The following PPP4R3A variants were observed in gnomAD, a reference collection of about 807,000 sequenced individuals.
PPP4R3A encodes the protein serine/threonine-protein phosphatase 4 regulatory subunit 3A.
A neutral mutation model predicts 91.7 loss-of-function variants in PPP4R3A; 15 were observed. The ratio of observed to expected loss-of-function variants is 0.16; its 90% CI spans 0.11 to 0.25. The LOEUF is 0.25. Ranked by LOEUF, PPP4R3A falls within the 10% of genes least tolerant of loss-of-function variation. PPP4R3A has a pLI of 1.00. For missense variants in PPP4R3A, 623 were observed against 998.4 expected (o/e 0.62, Z 5.07); for synonymous variants, 377 against 348.7 (o/e 1.08, Z -0.91).
intron 3 of PPP4R3A, among the ~76,000 whole-genome samples, chr14:91,484,453 A>G (rs1889761452): frequency 6.6e-6 from 1 of 152,176 alleles, no homozygotes; most frequent in African/African-American, 2.4e-5. Flanking sequence ...CCCTCCATTC[A>G]TTTATGTGCT....
rs1286753004 is a variant in PPP4R3A, at chr14:91,462,751, T to C, written c.1957A>G (p.Asn653Asp). The C allele has an allele frequency of 2.5e-6, 4 of 1,613,830 alleles. No individual in the cohort carries two copies. The highest frequency in any genetic ancestry group is 3.4e-6 in the Non-Finnish European group (4 of 1,179,848). Reference sequence around the variant, plus strand: ...GTAATTTACCTGTCAAGTTTGGGATTATCTTGCCTTTCTCTTTGTTGTTCA... The same window carrying C: ...GTAATTTACCTGTCAAGTTTGGGATCATCTTGCCTTTCTCTTTGTTGTTCA... ...RFEQQRERQDNPKLDSMRSIL... is the reference protein window; with the variant it reads ...RFEQQRERQDDPKLDSMRSIL... The change falls in exon 12 of 15, where the codon AAT becomes GAT. Residue 653 changes from asparagine (N) to aspartate (D), a missense_variant. Transcript: ENST00000554943.
chr14:91,509,912 G>C lies in PPP4R3A; in HGVS notation c.-265C>G. On this transcript the variant is annotated 5_prime_UTR_variant, in exon 1 of 15. Coordinates refer to ENST00000554943, the MANE Select transcript of PPP4R3A (RefSeq NM_001366432.2). Reference sequence around the variant, plus strand: ...CCCGGCGCCCGGCAGCCCCGAGGGGGCCGCGCAGCGCTTCGTAGCCTCCCG... The same window carrying C: ...CCCGGCGCCCGGCAGCCCCGAGGGGCCCGCGCAGCGCTTCGTAGCCTCCCG... 2.8e-6 allele frequency: 3 copies of C among 1,058,334 alleles called. No individual in the cohort carries two copies. Among genetic ancestry groups the C allele is most frequent in the Middle Eastern group, 4.3e-4 (1 of 2,316 alleles). 65.6% of individuals were successfully genotyped at this position (1,058,334 alleles called of 1,614,324 possible).
At chr14:91,484,815 A>G (rs1004818797) in intron 3 of PPP4R3A, among the ~76,000 whole-genome samples, 2 of 152,212 alleles carry the variant, frequency 1.3e-5, no homozygotes, top group South Asian at 4.1e-4. Context: ...ATGGAGATGG[A>G]GAAACCTTCT....
rs750307811 is a variant in PPP4R3A at position 91,481,617 on chromosome 14, A to G, written c.874T>C (p.Phe292Leu). Residue 292 changes from phenylalanine to leucine, a missense_variant, in exon 4 of 15, where the codon TTT becomes CTT. Transcript: ENST00000554943. ...ATCTCTACCTTATTGAAAAAGATAAAAGAGTGAAGTGTTGATAACATGTTT... is the reference window on the plus strand; with the variant it reads ...ATCTCTACCTTATTGAAAAAGATAAGAGAGTGAAGTGTTGATAACATGTTT... ...EENMLSTLHS[F>L]IFFNKVEIVG... 1.3e-6 allele frequency: 2 copies of G among 1,594,922 alleles called. No homozygotes were observed. The highest frequency in any genetic ancestry group is 1.1e-5 in the South Asian group (1 of 86,972).
At chr14:91,487,700 C>A (rs565291615) in intron 2 of PPP4R3A, among the ~76,000 whole-genome samples, 1 of 139,670 alleles carries the variant, frequency 7.2e-6, no homozygotes, top group Non-Finnish European at 1.5e-5. Flanking sequence ...TCTCACTAGG[C>A]AAGGACACTT....
At chr14:91,488,442 T>TA (rs1890030318) in intron 2 of PPP4R3A, among the ~76,000 whole-genome samples, 1 of 152,174 alleles carries the variant, frequency 6.6e-6, no homozygotes, top group African/African-American at 2.4e-5. Context: ...GACTTCCATA[T>TA]ATCACAGACA....
At chr14:91,497,701 T>C (rs2064229774) in intron 1 of PPP4R3A, among the ~76,000 whole-genome samples, 1 of 152,232 alleles carries the variant, frequency 6.6e-6, no homozygotes, top group South Asian at 2.1e-4. Flanking sequence ...CATCTTCACC[T>C]ACCCAACTTT....
At position 91,461,475 on chromosome 14, in the gene PPP4R3A, G is replaced by A; in HGVS notation, c.2297C>T (p.Pro766Leu). 1 of 1,614,206 alleles carries A rather than the reference G, an allele frequency of 6.2e-7. No individual in the cohort carries two copies. Among genetic ancestry groups the A allele is most frequent in the Non-Finnish European group, 8.5e-7 (1 of 1,180,040 alleles). ...GGATCCAGGTGATCCCGGAGAACCA[G>A]GCAGATTTGTTGTAGATGACTGGCT... ...LTSQSSTTNL[P>L]GSPGSPGSPG... The change falls in exon 14 of 15, where the codon CCT becomes CTT. Residue 766 changes from proline (P) to leucine (L), a missense_variant. Physicochemically the swap from Pro to Leu is moderately conservative, Grantham distance 98 (BLOSUM62 -3). Transcript: ENST00000554943.
intron 10 of PPP4R3A, among the ~76,000 whole-genome samples, chr14:91,465,850 T>C (rs1339138174): frequency 6.6e-6 from 1 of 152,190 alleles, no homozygotes; most frequent in African/African-American, 2.4e-5. Context: ...TTCAATATTT[T>C]TGGACACTCT....
chr14:91,507,917 T>C (rs1400185166), intron 1 of PPP4R3A, among the ~76,000 whole-genome samples: 3 of 151,876 alleles, frequency 2.0e-5, no homozygotes, highest in African/African-American at 4.8e-5. Flanking sequence ...AGGTCAGGAG[T>C]TTGAGACCAG....
At chr14:91,475,741 A>G in intron 7 of PPP4R3A, 70 bp downstream of exon 7, 1 of 1,420,032 alleles carries the variant, frequency 7.0e-7, no homozygotes, top group East Asian at 2.6e-5. Context: ...TTAAATCTTA[A>G]AAGTGAATAA....
chr14:91,471,173 CTTTTT>C (rs772523489), intron 9 of PPP4R3A, among the ~76,000 whole-genome samples, 178 bp from the exon 10 acceptor site: 1 of 151,980 alleles, frequency 6.6e-6, no homozygotes, highest in African/African-American at 2.4e-5. Context: ...TGGTGCTTTA[CTTTTT>C]TTTATTTAAT....
chr14:91,467,741 C>T (rs903971947), intron 10 of PPP4R3A, among the ~76,000 whole-genome samples: 2 of 152,160 alleles, frequency 1.3e-5, no homozygotes, highest in East Asian at 1.9e-4. Flanking sequence ...CACCTACATA[C>T]TTAACTAGTT....
At chr14:91,472,065 C>CAAA (rs549919322) in intron 9 of PPP4R3A, among the ~76,000 whole-genome samples, 1,826 of 68,188 alleles carry the variant, frequency 0.027, 13 homozygotes, top group Non-Finnish European at 0.031. Context: ...ATTCTGTCTC[C>CAAA]AAAAAAAAAA....
intron 1 of PPP4R3A, among the ~76,000 whole-genome samples, chr14:91,495,989 G>T (rs1890545193): frequency 1.3e-5 from 2 of 152,068 alleles, no homozygotes; most frequent in Admixed American, 6.6e-5. Flanking sequence ...TCATACAATG[G>T]ATACCACGAA....
chr14:91,461,649 T>C (rs774223223), intron 13 of PPP4R3A, 42 bp from the exon 14 acceptor site: 1 of 1,572,174 alleles, frequency 6.4e-7, no homozygotes, highest in Non-Finnish European at 8.7e-7. Flanking sequence ...CCCATACTTC[T>C]TTTTTAAATT....
chr14:91,477,585 C>T (rs1889284655), intron 4 of PPP4R3A, among the ~76,000 whole-genome samples: 1 of 152,176 alleles, frequency 6.6e-6, no homozygotes, highest in Non-Finnish European at 1.5e-5. Context: ...ATTAAGGTGG[C>T]AGAGCCTTCA....
Position 91,475,966 on chromosome 14 carries a change from C to T in PPP4R3A, c.1111G>A (p.Gly371Ser). 6.6e-7 allele frequency: 1 copy of T among 1,522,060 alleles called. No individual in the cohort carries two copies. The highest frequency in any genetic ancestry group is 8.7e-7 in the Non-Finnish European group (1 of 1,147,226). The allele number at this position is 1,522,060 out of a possible 1,614,324, so 94.3% of individuals were successfully genotyped here. The change falls in exon 7 of 15, where the codon GGC becomes AGC. Residue 371 changes from glycine (G) to serine (S), a missense_variant and splice_region_variant. This residue lies in a region of PPP4R3A where 264 missense variants were observed against 377.3 expected (regional missense o/e 0.70). Transcript: ENST00000554943. ...GILPALEVIL[G>S]MDDTQVRSAA... The stretch of plus-strand genomic sequence containing the variant: ...CTTCGCACCTGTGTATCATCCATGC[C>T]CTGCAGACAAAAAACATTTATTTTT...
chr14:91,507,913 G>C (rs940470067), intron 1 of PPP4R3A, among the ~76,000 whole-genome samples: 1 of 151,992 alleles, frequency 6.6e-6, no homozygotes, highest in Admixed American at 6.6e-5. Context: ...CGTGAGGTCA[G>C]GAGTTTGAGA....
Sources: allele counts gnomAD v4.1 joint callset (sites outside exome capture counted in the v4.1 genomes callset), GRCh38; gene constraint gnomAD v4.1.1; regional missense constraint gnomAD v4.1.1; transcripts MANE v1.5; gene names NCBI Gene and HGNC (gene_info 2026-07-23, HGNC 2026-07-21).